CFAP97D2: variants seen among roughly 807,000 people sequenced by gnomAD.
CFAP97D2 encodes the protein CFAP97 domain containing 2.
At chr13:114,195,613 C>A (rs2080883407) in intron 1 of CFAP97D2, among the ~76,000 whole-genome samples, 1 of 152,172 alleles carries the variant, frequency 6.6e-6, no homozygotes. Flanking sequence ...ATGCATTTAA[C>A]CTGTCACATT....
intron 3 of CFAP97D2, among the ~76,000 whole-genome samples, chr13:114,210,688 G>T (rs1337024258): frequency 6.6e-6 from 1 of 152,086 alleles, no homozygotes; most frequent in African/African-American, 2.4e-5. Flanking sequence ...CAGCCCTGTT[G>T]TCACTCCTGA....
In CFAP97D2 at chr13:114,185,740, C is replaced by T. The variant is rs773028944; in HGVS notation, c.90+6320C>T. The stretch of plus-strand genomic sequence containing the variant: ...CCACACTTAGGGCAGAAGTGACATG[C>T]CAGCCCCTTGCCACCTCAGCCCCCT... On this transcript the variant is annotated intron_variant, in intron 1 of 4. Transcript: ENST00000646158. This position sits in a 1 kb window ranked among gnomAD's most constrained non-coding sequence, Gnocchi z 5.2. 7.9e-5 allele frequency among the ~76,000 whole-genome samples: 12 copies of T among 152,276 alleles called. No individual in the cohort carries two copies. Among genetic ancestry groups the T allele is most frequent in the Non-Finnish European group, 1.5e-4 (10 of 68,048 alleles).
At chr13:114,218,725 C>T (rs1594523818) in intron 4 of CFAP97D2, among the ~76,000 whole-genome samples, 1 of 152,126 alleles carries the variant, frequency 6.6e-6, no homozygotes, top group South Asian at 2.1e-4. Context: ...CAATAATACA[C>T]ATCTACAACC....
intron 4 of CFAP97D2, among the ~76,000 whole-genome samples, chr13:114,216,102 G>A (rs2138787979): frequency 6.6e-6 from 1 of 152,210 alleles, no homozygotes; most frequent in Admixed American, 6.5e-5. Context: ...TCGTGCATGA[G>A]AGCCTCCCAG....
chr13:114,214,582 T>TTTGTTTGTTTGTTTG (rs1555350694), intron 4 of CFAP97D2, among the ~76,000 whole-genome samples: 4 of 150,874 alleles, frequency 2.7e-5, no homozygotes, highest in South Asian at 2.1e-4. Context: ...ATATTTGAGG[T>TTTGTTTGTTTGTTTG]TTTGTTTGTT....
At chr13:114,221,118 G>C (rs1417011653) in intron 4 of CFAP97D2, among the ~76,000 whole-genome samples, 1 of 152,238 alleles carries the variant, frequency 6.6e-6, no homozygotes, top group Non-Finnish European at 1.5e-5. Flanking sequence ...GTAGTGGCGT[G>C]CGCCTGTAGT....
Position 114,180,566 on chromosome 13 carries a change from G to A in CFAP97D2, c.90+1146G>A, listed in dbSNP as rs116578446. On this transcript the variant is annotated intron_variant, in intron 1 of 4. Transcript: ENST00000646158. ...TGGGCCTGCTACCTCCTGTTGCCACGTGATTGATGGGCATGTTCATTACTT... is the reference window on the plus strand; with the variant it reads ...TGGGCCTGCTACCTCCTGTTGCCACATGATTGATGGGCATGTTCATTACTT... Among the ~76,000 whole-genome samples, 355 of 152,250 alleles carry A rather than the reference G, an allele frequency of 2.3e-3. 1 individual carries two copies. Among genetic ancestry groups the A allele is most frequent in the African/African-American group, 8.2e-3 (340 of 41,538 alleles).
intron 1 of CFAP97D2, among the ~76,000 whole-genome samples, chr13:114,188,718 AG>A (rs1594514372): frequency 6.7e-6 from 1 of 149,204 alleles, no homozygotes. Flanking sequence ...AGGAGCTTGC[AG>A]TGAGCCGAGA....
At chr13:114,196,602 G>C (rs2138762365) in intron 2 of CFAP97D2, 126 bp downstream of exon 2, 1 of 395,894 alleles carries the variant, frequency 2.5e-6, no homozygotes, top group South Asian at 1.4e-4. Flanking sequence ...ATGCAGTCTA[G>C]GTGATTAATT....
chr13:114,218,583 A>G (rs2081006107), intron 4 of CFAP97D2, among the ~76,000 whole-genome samples: 1 of 152,216 alleles, frequency 6.6e-6, no homozygotes, highest in African/African-American at 2.4e-5. Flanking sequence ...ATCCTAAGCC[A>G]AAAGAACAAA....
At chr13:114,221,409 A>G (rs2081021535) in intron 4 of CFAP97D2, among the ~76,000 whole-genome samples, 1 of 152,268 alleles carries the variant, frequency 6.6e-6, no homozygotes, top group African/African-American at 2.4e-5. Context: ...TTTCAGAAAG[A>G]TGTTTAACAA....
intron 1 of CFAP97D2, among the ~76,000 whole-genome samples, chr13:114,188,003 G>T (rs2080857092): frequency 6.6e-6 from 1 of 152,220 alleles, no homozygotes; most frequent in African/African-American, 2.4e-5. Context: ...TGGGGGCTGG[G>T]TGCAGTAGCT....
At chr13:114,184,229 T>C (rs536422292) in intron 1 of CFAP97D2, among the ~76,000 whole-genome samples, 1 of 152,276 alleles carries the variant, frequency 6.6e-6, no homozygotes, top group South Asian at 2.1e-4. Context: ...CAGAAAAGGC[T>C]ATCCAAGGAC....
intron 3 of CFAP97D2, among the ~76,000 whole-genome samples, chr13:114,204,422 T>G (rs138582161): frequency 2.0e-3 from 301 of 152,334 alleles, no homozygotes; most frequent in African/African-American, 6.8e-3. Context: ...TTGACTCCTC[T>G]TTCCTAATTA....
At chr13:114,208,520 A>G (rs2080951946) in intron 3 of CFAP97D2, among the ~76,000 whole-genome samples, 1 of 152,226 alleles carries the variant, frequency 6.6e-6, no homozygotes, top group African/African-American at 2.4e-5. Context: ...AGCAGGCCCT[A>G]TAGCCACCAA....
At chr13:114,180,154 T>C (rs1001760922) in intron 1 of CFAP97D2, among the ~76,000 whole-genome samples, 1 of 152,266 alleles carries the variant, frequency 6.6e-6, no homozygotes, top group African/African-American at 2.4e-5. Context: ...CGATGTTCCA[T>C]GTATCATGTC....
At chr13:114,196,051 C>T (rs2080885446) in intron 1 of CFAP97D2, among the ~76,000 whole-genome samples, 1 of 147,040 alleles carries the variant, frequency 6.8e-6, no homozygotes, top group African/African-American at 2.6e-5. Context: ...CCACTATGCT[C>T]CAGCCTGGGC....
chr13:114,192,387 T>C (rs1434336119), intron 1 of CFAP97D2, among the ~76,000 whole-genome samples: 1 of 152,206 alleles, frequency 6.6e-6, no homozygotes, highest in African/African-American at 2.4e-5. Context: ...AACCTAAAAG[T>C]TCTCTTTAAA....
intron 1 of CFAP97D2, among the ~76,000 whole-genome samples, chr13:114,193,976 T>A (rs1214709868): frequency 6.6e-6 from 1 of 152,200 alleles, no homozygotes; most frequent in African/African-American, 2.4e-5. Context: ...TGTTTTAACA[T>A]TTTACTTCCT....
Sources: gnomAD v4.1 joint callset for allele counts (sites outside exome capture counted in the v4.1 genomes callset) on GRCh38, gnomAD v4.1.1 for gene constraint, Gnocchi (gnomAD v3.1) non-coding constraint, MANE v1.5 for transcripts, NCBI Gene and HGNC (gene_info 2026-07-23, HGNC 2026-07-21) for gene names.